The following MLC1 variants were observed in gnomAD, a reference collection of about 807,000 sequenced individuals.
MLC1 encodes the protein modulator of VRAC current 1, also known as membrane protein MLC1.
In MLC1, 32 loss-of-function variants were observed where a neutral mutation model predicts 44.7. The observed-to-expected ratio is 0.72, with a 90% confidence interval of 0.54 to 0.96. The LOEUF (loss-of-function observed/expected upper bound fraction) is 0.96, where lower values mean the gene tolerates loss of function less well. Ranked by LOEUF, MLC1 falls within the 40% of genes least tolerant of loss-of-function variation. MLC1 has a pLI of 0.00. For missense variants in MLC1, 459 were observed against 492.2 expected (o/e 0.93, Z 0.64); for synonymous variants, 190 against 213.0 (o/e 0.89, Z 0.94).
Position 50,083,776 on chromosome 22 carries a change from A to T in MLC1, c.178-603T>A, listed in dbSNP as rs956878390. Among the ~76,000 whole-genome samples the T allele has an allele frequency of 6.6e-6, 1 of 152,096 alleles. No individual in the cohort carries two copies. Among genetic ancestry groups the T allele is most frequent in the Non-Finnish European group, 1.5e-5 (1 of 68,002 alleles). ...CCCCGGGGTGAGTCTGAGGGGAGTCAGTATCAAAGGTCACTGGGACCCAGG... is the reference window on the plus strand; with the variant it reads ...CCCCGGGGTGAGTCTGAGGGGAGTCTGTATCAAAGGTCACTGGGACCCAGG... On this transcript the variant is annotated intron_variant, in intron 2 of 11. Coordinates refer to ENST00000311597, the MANE Select transcript of MLC1 (RefSeq NM_015166.4). This position sits in a 1 kb window ranked among gnomAD's most constrained non-coding sequence, Gnocchi z 4.6.
In MLC1 at chr22:50,084,801, C is replaced by T. The variant is rs778840124; in HGVS notation, c.102G>A (p.Pro34=). ...DPASYAPDAK[P]SDLQLSKRLP... is the part of the protein sequence containing the mutation. ...GTCTCTTCGACAGCTGCAGGTCGCTCGGCTTCGCGTCTGGGGCATAGCTGG... is the reference window on the plus strand; with the variant it reads ...GTCTCTTCGACAGCTGCAGGTCGCTTGGCTTCGCGTCTGGGGCATAGCTGG... Residue 34 remains proline, a synonymous_variant, in exon 2 of 12, where the codon CCG becomes CCA. Transcript: ENST00000311597. The T allele has an allele frequency of 4.8e-5, 77 of 1,613,932 alleles. No homozygotes were observed. Among genetic ancestry groups the T allele is most frequent in the Non-Finnish European group, 6.4e-5 (75 of 1,180,060 alleles).
intron 8 of MLC1, among the ~76,000 whole-genome samples, chr22:50,072,126 G>A (rs2061867250): frequency 6.6e-6 from 1 of 152,250 alleles, no homozygotes; most frequent in Admixed American, 6.5e-5. Context: ...GGCACAGGAA[G>A]GGATGGTGGC....
rs1040440995 is a variant in MLC1 at position 50,074,483 on chromosome 22, A to G, written c.598-151T>C. The G allele has an allele frequency of 8.4e-6, 6 of 716,120 alleles. No individual in the cohort carries two copies. In the African/African-American group the frequency reaches 1.0e-4, roughly 12 times the overall value. 44.4% of individuals were successfully genotyped at this position (716,120 alleles called of 1,614,324 possible). ...GAGGAGCCCACCTGGATGGACCCCC[A>G]GCCTCACCTGGCCCAGACCCCCTCT... On this transcript the variant is annotated intron_variant, in intron 7 of 11. Transcript: ENST00000311597.
chr22:50,080,882 G>A (rs1411382161), intron 3 of MLC1, among the ~76,000 whole-genome samples: 6 of 152,056 alleles, frequency 3.9e-5, no homozygotes, highest in African/African-American at 1.2e-4. Flanking sequence ...TATCAGCCGG[G>A]TGCAGTGGCT....
In MLC1 at chr22:50,074,348, C is replaced by T. The variant is rs747286720; in HGVS notation, c.598-16G>A. The stretch of plus-strand genomic sequence containing the variant: ...CCTCGACGACCTGGAGGGGACAGGA[C>T]AGCATCGGCTCATAAGGAAGTGGAG... On this transcript the variant is annotated splice_polypyrimidine_tract_variant and intron_variant, in intron 7 of 11. Transcript: ENST00000311597. The T allele has an allele frequency of 1.3e-6, 2 of 1,598,994 alleles. No homozygotes were observed. Among genetic ancestry groups the T allele is most frequent in the South Asian group, 1.1e-5 (1 of 90,804 alleles).
At chr22:50,068,609 C>G in intron 9 of MLC1, 54 bp from the exon 10 acceptor site, 1 of 1,570,428 alleles carries the variant, frequency 6.4e-7, no homozygotes, top group Non-Finnish European at 8.7e-7. Context: ...GAGCCCAGGA[C>G]AGCGGGCGTG....
At position 50,064,080 on chromosome 22, in the gene MLC1, G is replaced by A; in HGVS notation, c.1013C>T (p.Ala338Val). ...RFKVSARLQG[A>V]SWDTQNGPQE... is the part of the protein sequence containing the mutation. Reference sequence around the variant, plus strand: ...CGGGCCGTTCTGGGTGTCCCAGGATGCACCCTGCAGCCTTGCACTGACCTT... The same window carrying A: ...CGGGCCGTTCTGGGTGTCCCAGGATACACCCTGCAGCCTTGCACTGACCTT... Residue 338 changes from alanine (A) to valine (V), a missense_variant, in exon 11 of 12, where the codon GCA (alanine) becomes GTA (valine). By Grantham distance (64) the Ala-to-Val change is moderately conservative (BLOSUM62 0). Coordinates refer to ENST00000311597, the MANE Select transcript of MLC1 (RefSeq NM_015166.4). 2 of 1,591,234 alleles carry A rather than the reference G, an allele frequency of 1.3e-6. No individual in the cohort carries two copies. Among genetic ancestry groups the A allele is most frequent in the Admixed American group, 1.8e-5 (1 of 57,050 alleles).
intron 7 of MLC1, among the ~76,000 whole-genome samples, chr22:50,075,972 C>G (rs2061970729): frequency 6.6e-6 from 1 of 152,010 alleles, no homozygotes; most frequent in Non-Finnish European, 1.5e-5. Flanking sequence ...GGGCAACCCC[C>G]AAAAGAATAC....
chr22:50,061,900 A>G (rs1333232363), intron 11 of MLC1, among the ~76,000 whole-genome samples: 1 of 152,194 alleles, frequency 6.6e-6, no homozygotes, highest in Non-Finnish European at 1.5e-5. Context: ...CCTGGGATGG[A>G]GCAGCCCTTC....
At chr22:50,067,138 G>A (rs2061718950) in intron 10 of MLC1, among the ~76,000 whole-genome samples, 1 of 152,110 alleles carries the variant, frequency 6.6e-6, no homozygotes, top group Non-Finnish European at 1.5e-5. Context: ...AAATGTCACA[G>A]GAAACAAAAT....
At chr22:50,080,931 G>C (rs758527438) in intron 3 of MLC1, among the ~76,000 whole-genome samples, 2 of 151,636 alleles carry the variant, frequency 1.3e-5, no homozygotes, top group Non-Finnish European at 2.9e-5. Flanking sequence ...GCTGAGCTGG[G>C]AGGATCTCTT....
Position 50,070,520 on chromosome 22 carries a change from C to T in MLC1, c.771+7G>A, listed in dbSNP as rs969611754. 1.0e-5 allele frequency: 16 copies of T among 1,557,692 alleles called. No homozygotes were observed. Among genetic ancestry groups the T allele is most frequent in the African/African-American group, 4.1e-5 (3 of 73,620 alleles). Reference sequence around the variant, plus strand: ...CCCTGGCACCCAGGGCTGAGGGGTTCACCCACCAGACACTTGCTGGGACAC... The same window carrying T: ...CCCTGGCACCCAGGGCTGAGGGGTTTACCCACCAGACACTTGCTGGGACAC... On this transcript the variant is annotated splice_region_variant and intron_variant, in intron 9 of 11. Coordinates refer to ENST00000311597, the MANE Select transcript of MLC1 (RefSeq NM_015166.4).
At chr22:50,082,727 C>T (rs1207594486) in intron 3 of MLC1, among the ~76,000 whole-genome samples, 1 of 152,154 alleles carries the variant, frequency 6.6e-6, no homozygotes, top group Non-Finnish European at 1.5e-5. Flanking sequence ...TGCAGTGGCA[C>T]AATCTGGGCT....
intron 10 of MLC1, among the ~76,000 whole-genome samples, chr22:50,066,422 G>T (rs2061703825): frequency 6.6e-6 from 1 of 152,224 alleles, no homozygotes; most frequent in South Asian, 2.1e-4. Context: ...CACTTTGGGA[G>T]GCCGAGACAG....
At chr22:50,063,945 CCCA>C in intron 11 of MLC1, 86 bp downstream of exon 11, 6 of 1,391,030 alleles carry the variant, frequency 4.3e-6, no homozygotes, top group South Asian at 1.3e-5. Context: ...CCAGCTTCCC[CCCA>C]CCCCACAGGC....
Position 50,084,930 on chromosome 22 carries a change from G to C in MLC1, c.-28C>G. ...CACTTGGGGACACCACAGCTGTGCT[G>C]AATGTACAGCCACGTGTCACCAGTT... On this transcript the variant is annotated 5_prime_UTR_variant, in exon 2 of 12. Transcript: ENST00000311597. 1 of 1,607,998 alleles carries C rather than the reference G, an allele frequency of 6.2e-7. No individual in the cohort carries two copies. The highest frequency in any genetic ancestry group is 1.3e-5 in the African/African-American group (1 of 75,066).
In MLC1 at chr22:50,083,295, C is replaced by A; in HGVS notation, c.178-122G>T. 1.1e-6 allele frequency: 1 copy of A among 873,566 alleles called. No homozygotes were observed. Among genetic ancestry groups the A allele is most frequent in the Non-Finnish European group, 1.9e-6 (1 of 537,568 alleles). 54.1% of individuals were successfully genotyped at this position (873,566 alleles called of 1,614,324 possible). Reference sequence around the variant, plus strand: ...ACTCACCCACGTCCCCCAGCATCAACCACACCCGCACCTGGGACCCGCCCA... The same window carrying A: ...ACTCACCCACGTCCCCCAGCATCAAACACACCCGCACCTGGGACCCGCCCA... On this transcript the variant is annotated intron_variant, in intron 2 of 11. Transcript: ENST00000311597. This position sits in a 1 kb window ranked among gnomAD's most constrained non-coding sequence, Gnocchi z 4.6.
chr22:50,076,127 G>A (rs533153751), intron 7 of MLC1, among the ~76,000 whole-genome samples: 1 of 152,262 alleles, frequency 6.6e-6, no homozygotes, highest in South Asian at 2.1e-4. Flanking sequence ...AAATTTATCA[G>A]TAATAACTCT....
At chr22:50,066,273 C>T (rs778424282) in intron 10 of MLC1, among the ~76,000 whole-genome samples, 1 of 151,980 alleles carries the variant, frequency 6.6e-6, no homozygotes, top group African/African-American at 2.4e-5. Flanking sequence ...CCAAGGTGGG[C>T]GGATCGCTTC....
Sources: gnomAD v4.1 joint callset for allele counts (sites outside exome capture counted in the v4.1 genomes callset) on GRCh38, gnomAD v4.1.1 for gene constraint, Gnocchi (gnomAD v3.1) non-coding constraint, MANE v1.5 for transcripts, NCBI Gene and HGNC (gene_info 2026-07-23, HGNC 2026-07-21) for gene names.